EFCAB11: variants seen among roughly 807,000 people sequenced by gnomAD.
The protein encoded by EFCAB11 is EF-hand calcium-binding domain-containing protein 11.
EFCAB11 carries 14 observed loss-of-function variants against 23.0 expected under a neutral mutation model. That is an observed-to-expected ratio of 0.61 (90% CI 0.40 to 0.95). The LOEUF is 0.95. Among genes scored for constraint, EFCAB11 ranks in the 40% least tolerant of loss-of-function variants. The pLI, the probability that EFCAB11 is intolerant of heterozygous loss-of-function variation, is 0.00. For synonymous variants in EFCAB11, 65 were observed against 66.6 expected (o/e 0.98, Z 0.11); for missense variants, 198 against 195.8 (o/e 1.01, Z -0.07).
At chr14:89,821,119 C>T (rs1886503181) in intron 5 of EFCAB11, among the ~76,000 whole-genome samples, 1 of 152,036 alleles carries the variant, frequency 6.6e-6, no homozygotes. Flanking sequence ...GCCTTGGCCT[C>T]CCAAAGTGCT....
chr14:89,897,626 T>G (rs1431542941), intron 5 of EFCAB11, among the ~76,000 whole-genome samples: 2 of 152,194 alleles, frequency 1.3e-5, no homozygotes, highest in Non-Finnish European at 2.9e-5. Flanking sequence ...TTAATGGTAA[T>G]ATTGTAGTTC....
intron 5 of EFCAB11, among the ~76,000 whole-genome samples, chr14:89,928,650 T>G (rs1490177053): frequency 2.7e-5 from 4 of 149,166 alleles, no homozygotes; most frequent in African/African-American, 9.9e-5. Flanking sequence ...CCTGATATCT[T>G]GCTATTGAAT....
intron 5 of EFCAB11, among the ~76,000 whole-genome samples, chr14:89,893,377 G>T (rs1889043199): frequency 1.3e-5 from 2 of 152,128 alleles, no homozygotes; most frequent in South Asian, 4.1e-4. Context: ...GGATGAACAC[G>T]AATGTGCAGC....
At chr14:89,884,959 C>T (rs1888708430) in intron 5 of EFCAB11, among the ~76,000 whole-genome samples, 1 of 152,222 alleles carries the variant, frequency 6.6e-6, no homozygotes, top group African/African-American at 2.4e-5. Flanking sequence ...AGAGCCTCCT[C>T]ACCAGAACCA....
upstream of EFCAB11, chr14:89,954,736 G>A: frequency 6.5e-7 from 1 of 1,549,102 alleles, no homozygotes. Flanking sequence ...AGCCTACCGC[G>A]GCCACGCCCA....
chr14:89,875,937 C>T (rs746981771), intron 5 of EFCAB11, among the ~76,000 whole-genome samples: 1 of 152,048 alleles, frequency 6.6e-6, no homozygotes, highest in African/African-American at 2.4e-5. Flanking sequence ...CAGACTCGAC[C>T]CAAGAGAGCA....
intron 5 of EFCAB11, among the ~76,000 whole-genome samples, chr14:89,860,279 G>A (rs558848256): frequency 2.4e-4 from 37 of 152,174 alleles, no homozygotes; most frequent in Admixed American, 5.9e-4. Flanking sequence ...CAGGAGAATC[G>A]CTTGAACCCA....
chr14:89,863,990 G>A, intron 5 of EFCAB11, among the ~76,000 whole-genome samples: 1 of 152,108 alleles, frequency 6.6e-6, no homozygotes, highest in East Asian at 1.9e-4. Flanking sequence ...ACCCTTATTT[G>A]CATCTTCTTC....
intron 5 of EFCAB11, among the ~76,000 whole-genome samples, chr14:89,867,232 G>A (rs1282893946): frequency 6.6e-6 from 1 of 152,130 alleles, no homozygotes; most frequent in East Asian, 1.9e-4. Flanking sequence ...CTATACCTTT[G>A]TCTTGTTTTT....
At chr14:89,897,639 G>T (rs76906241) in intron 5 of EFCAB11, among the ~76,000 whole-genome samples, 1 of 152,070 alleles carries the variant, frequency 6.6e-6, no homozygotes, top group Non-Finnish European at 1.5e-5. Context: ...TGTAGTTCTC[G>T]GGTTGACTGC....
At chr14:89,884,845 T>A (rs556332513) in intron 5 of EFCAB11, among the ~76,000 whole-genome samples, 3 of 152,274 alleles carry the variant, frequency 2.0e-5, no homozygotes, top group Admixed American at 2.0e-4. Flanking sequence ...TCATAAGGGA[T>A]TAGTGCTCTT....
chr14:89,836,414 G>T (rs1443882851), intron 5 of EFCAB11: 2 of 365,356 alleles, frequency 5.5e-6, no homozygotes, highest in African/African-American at 4.3e-5. Flanking sequence ...CCCTGAGGCT[G>T]CTTTTAGTAC....
At chr14:89,948,134 CAACA>C (rs1327286417) in intron 3 of EFCAB11, among the ~76,000 whole-genome samples, 4 of 151,996 alleles carry the variant, frequency 2.6e-5, no homozygotes, top group Non-Finnish European at 5.9e-5. Context: ...TTATGCACTT[CAACA>C]GTTTAAAATT....
intron 5 of EFCAB11, among the ~76,000 whole-genome samples, chr14:89,910,497 T>G (rs193103316): frequency 6.6e-6 from 1 of 151,884 alleles, no homozygotes; most frequent in South Asian, 2.1e-4. Context: ...ACTCGAGAGG[T>G]TGAGGCATGA....
intron 5 of EFCAB11, among the ~76,000 whole-genome samples, chr14:89,854,812 C>T (rs1468536261): frequency 6.6e-6 from 1 of 152,106 alleles, no homozygotes; most frequent in African/African-American, 2.4e-5. Flanking sequence ...CATCCTGTCA[C>T]CACGATCCTG....
chr14:89,879,346 T>C (rs747787607), intron 5 of EFCAB11, among the ~76,000 whole-genome samples: 5 of 152,186 alleles, frequency 3.3e-5, no homozygotes, highest in Non-Finnish European at 4.4e-5. Context: ...GCCTGTGTTA[T>C]TGTTCTTTTC....
At chr14:89,927,569 C>A (rs1890233826) in intron 5 of EFCAB11, among the ~76,000 whole-genome samples, 1 of 152,182 alleles carries the variant, frequency 6.6e-6, no homozygotes, top group South Asian at 2.1e-4. Flanking sequence ...TCACTAATAG[C>A]CTCAGCAGCT....
At chr14:89,819,406 C>T (rs911296560) in intron 5 of EFCAB11, among the ~76,000 whole-genome samples, 50 of 151,784 alleles carry the variant, frequency 3.3e-4, no homozygotes, top group Admixed American at 1.3e-4. Flanking sequence ...CAAAGGGATA[C>T]AAAGAAACTT....
intron 5 of EFCAB11, among the ~76,000 whole-genome samples, chr14:89,807,913 A>T (rs1886023083): frequency 6.6e-6 from 1 of 152,234 alleles, no homozygotes; most frequent in African/African-American, 2.4e-5. Flanking sequence ...ATTACTCAGG[A>T]ATCAATAAGA....
Sources: allele counts gnomAD v4.1 joint callset (sites outside exome capture counted in the v4.1 genomes callset), GRCh38; gene constraint gnomAD v4.1.1; transcripts MANE v1.5; gene names NCBI Gene and HGNC (gene_info 2026-07-23, HGNC 2026-07-21).